The following MYO9A variants were observed in gnomAD, a reference collection of about 807,000 sequenced individuals.
MYO9A encodes the protein unconventional myosin-IXa.
A neutral mutation model predicts 293.3 loss-of-function variants in MYO9A; 103 were observed. The observed-to-expected ratio is 0.35, with a 90% CI of 0.30 to 0.41. The LOEUF (loss-of-function observed/expected upper bound fraction) is 0.41. MYO9A is among the 10% of genes least tolerant of loss of function. The pLI is 1.00. For synonymous variants in MYO9A, 1,001 were observed against 1,035.7 expected (o/e 0.97, Z 0.64); for missense variants, 2,685 against 3,033.0 (o/e 0.89, Z 2.69).
At chr15:71,828,077 A>AGAT in intron 40 of MYO9A, 51 bp from the exon 41 acceptor site, 1 of 1,566,496 alleles carries the variant, frequency 6.4e-7, no homozygotes, top group Non-Finnish European at 8.6e-7. Context: ...AGTGGAAGGA[A>AGAT]GATAACAGAA....
At chr15:71,837,102 G>A (rs62023339) in intron 39 of MYO9A, among the ~76,000 whole-genome samples, 7,448 of 152,130 alleles carry the variant, frequency 0.049, 244 homozygotes, top group Middle Eastern at 0.068. Context: ...TGAAAATTAT[G>A]TGACTTTAAA....
At chr15:72,093,504 C>A (rs2079982215) in intron 1 of MYO9A, among the ~76,000 whole-genome samples, 1 of 152,158 alleles carries the variant, frequency 6.6e-6, no homozygotes, top group Admixed American at 6.6e-5. Context: ...CCACTGCACT[C>A]CGCCCTGGGC....
intron 1 of MYO9A, among the ~76,000 whole-genome samples, chr15:72,081,331 T>C (rs1278464719): frequency 1.3e-5 from 2 of 152,230 alleles, no homozygotes; most frequent in Admixed American, 6.5e-5. Flanking sequence ...TTGAGTGTTT[T>C]TCCACATGCT....
chr15:71,957,184 A>G (rs1255336853), intron 14 of MYO9A, among the ~76,000 whole-genome samples: 1 of 152,216 alleles, frequency 6.6e-6, no homozygotes, highest in Non-Finnish European at 1.5e-5. Flanking sequence ...GAGTGGCTAC[A>G]TCAGTAGTAT....
intron 4 of MYO9A, among the ~76,000 whole-genome samples, chr15:72,024,888 A>G (rs188711049): frequency 5.0e-4 from 76 of 152,306 alleles, no homozygotes; most frequent in African/African-American, 1.8e-3. Context: ...ATTTAATGCA[A>G]AAGAAGGCAG....
chr15:71,907,296 G>A (rs2144122020), intron 19 of MYO9A, among the ~76,000 whole-genome samples: 1 of 149,490 alleles, frequency 6.7e-6, no homozygotes, highest in African/African-American at 2.5e-5. Context: ...TGGCTGCGTA[G>A]TATTCCATGG....
intron 39 of MYO9A, among the ~76,000 whole-genome samples, chr15:71,842,968 T>G (rs1366540913): frequency 1.2e-4 from 18 of 151,962 alleles, no homozygotes; most frequent in Admixed American, 1.1e-3. Flanking sequence ...GTTAGACTCT[T>G]TTAGTTAAAA....
At chr15:71,854,651 T>A in intron 34 of MYO9A, 82 bp from the exon 35 acceptor site, 1 of 1,149,784 alleles carries the variant, frequency 8.7e-7, no homozygotes, top group Non-Finnish European at 1.2e-6. Flanking sequence ...CAGGAGCTAC[T>A]TTTTTATTTC....
In MYO9A at chr15:72,118,012, C is replaced by A. The variant is rs1160601500; in HGVS notation, c.-404G>T. 7.5e-6 allele frequency: 3 copies of A among 398,050 alleles called. No individual in the cohort carries two copies. In the East Asian group the frequency reaches 1.1e-4, roughly 14 times the overall value. The allele number at this position is 398,050 out of a possible 1,614,324, so 24.7% of individuals were successfully genotyped here. A position where few individuals can be genotyped will look rare whatever the true frequency, so the allele number is the denominator to read the frequency against. ...GCCTCCGCCGCCGCCTCTCGCAGTC[C>A]GGGCTGTCCTGTACTCTCTCAACAG... On this transcript the variant is annotated 5_prime_UTR_variant, in exon 1 of 42. Transcript: ENST00000356056.
chr15:72,010,072 G>A (rs1484013749), intron 7 of MYO9A, among the ~76,000 whole-genome samples: 2 of 152,136 alleles, frequency 1.3e-5, no homozygotes, highest in African/African-American at 4.8e-5. Context: ...AAAGTTTTAA[G>A]TAAGGTCCAT....
intron 2 of MYO9A, among the ~76,000 whole-genome samples, chr15:72,035,799 G>A (rs1212085214): frequency 4.0e-5 from 6 of 151,866 alleles, no homozygotes; most frequent in African/African-American, 7.3e-5. Flanking sequence ...ACTGAAACCC[G>A]GGCCTCAAAA....
At chr15:71,959,737 T>C (rs1420553385) in intron 14 of MYO9A, 164 bp downstream of exon 14, 3 of 626,642 alleles carry the variant, frequency 4.8e-6, no homozygotes, top group Non-Finnish European at 8.2e-6. Flanking sequence ...AAACTGTTCA[T>C]AGTCACAAAT....
At chr15:71,906,416 C>T (rs1382170833) in intron 19 of MYO9A, among the ~76,000 whole-genome samples, 1 of 152,108 alleles carries the variant, frequency 6.6e-6, no homozygotes, top group Non-Finnish European at 1.5e-5. Flanking sequence ...CTGAAGTTTC[C>T]AAGCATAACT....
chr15:72,082,224 C>T (rs1441563040), intron 1 of MYO9A, among the ~76,000 whole-genome samples: 1 of 152,026 alleles, frequency 6.6e-6, no homozygotes, highest in Admixed American at 6.6e-5. Context: ...TCTAGTTCTC[C>T]TTGTAGATAT....
intron 11 of MYO9A, among the ~76,000 whole-genome samples, chr15:71,987,878 C>G (rs1204741427): frequency 6.6e-6 from 1 of 152,176 alleles, no homozygotes; most frequent in African/African-American, 2.4e-5. Flanking sequence ...TAACAAGATT[C>G]TGATCCATAA....
At chr15:72,108,551 T>G (rs985677038) in intron 1 of MYO9A, among the ~76,000 whole-genome samples, 1 of 152,174 alleles carries the variant, frequency 6.6e-6, no homozygotes, top group East Asian at 1.9e-4. Flanking sequence ...TAAAAAGAGA[T>G]AATCAAATGA....
chr15:72,001,289 T>C (rs2076857130), intron 8 of MYO9A, among the ~76,000 whole-genome samples: 1 of 152,080 alleles, frequency 6.6e-6, no homozygotes, highest in Non-Finnish European at 1.5e-5. Flanking sequence ...GAGTGGTAGC[T>C]CACGACTGTA....
chr15:71,852,777 A>T (rs1286418479), intron 35 of MYO9A, among the ~76,000 whole-genome samples: 1 of 152,178 alleles, frequency 6.6e-6, no homozygotes, highest in East Asian at 1.9e-4. Context: ...TTGTTTTCCA[A>T]ACCTGTTGTG....
chr15:72,090,150 G>C (rs116755343), intron 1 of MYO9A, among the ~76,000 whole-genome samples: 16 of 152,294 alleles, frequency 1.1e-4, no homozygotes, highest in South Asian at 1.0e-3. Context: ...AATTACAGCT[G>C]TTCTGAAGTT....
Sources: gnomAD v4.1 joint callset for allele counts (sites outside exome capture counted in the v4.1 genomes callset) on GRCh38, gnomAD v4.1.1 for gene constraint, MANE v1.5 for transcripts, NCBI Gene and HGNC (gene_info 2026-07-23, HGNC 2026-07-21) for gene names.